SYTL5: variants seen among roughly 807,000 people sequenced by gnomAD.
The protein encoded by SYTL5 is synaptotagmin like 5.
SYTL5 carries 34 observed loss-of-function variants against 55.9 expected under a neutral mutation model. The ratio of observed to expected loss-of-function variants is 0.61; its 90% CI spans 0.46 to 0.81. The LOEUF (loss-of-function observed/expected upper bound fraction) is 0.81. Among genes scored for constraint, SYTL5 ranks in the 30% least tolerant of loss-of-function variants. The pLI is 0.00. For missense variants in SYTL5, 637 were observed against 546.7 expected (o/e 1.17, Z -1.65); for synonymous variants, 221 against 188.7 (o/e 1.17, Z -1.40).
At chrX:37,952,979 G>A in the SYTL5 span, among the ~76,000 whole-genome samples, 3 of 110,623 alleles carry the variant, frequency 2.7e-5, no homozygotes, top group African/African-American at 9.8e-5. Flanking sequence ...TTCAGAGAAC[G>A]TGAAAGAGTG....
intron 1 of SYTL5, among the ~76,000 whole-genome samples, chrX:38,008,240 T>C (rs777553491): frequency 8.9e-6 from 1 of 112,020 alleles, no homozygotes; most frequent in South Asian, 3.7e-4. Flanking sequence ...CTTGTAAATA[T>C]GCTTTTGTAC....
rs749625151 is a variant in SYTL5, at chrX:38,077,043, G to T, written c.689+342G>T. Among the ~76,000 whole-genome samples the T allele has an allele frequency of 2.7e-5, 3 of 111,806 alleles. No homozygotes were observed. The East Asian group carries it at 8.4e-4, about 31-fold the overall frequency. On this transcript the variant is annotated intron_variant, in intron 6 of 16. Transcript: ENST00000297875. ...GCTCCTGAAAAAAAGAAACCTCTGA[G>T]TGTCAAATACATTCCTTGCAGCTTT...
chrX:38,074,741 T>G (rs950654043), intron 5 of SYTL5, among the ~76,000 whole-genome samples: 1 of 111,989 alleles, frequency 8.9e-6, no homozygotes, highest in Non-Finnish European at 1.9e-5. Flanking sequence ...CATGTTTTCA[T>G]TGATGAGCAG....
intron 13 of SYTL5, among the ~76,000 whole-genome samples, chrX:38,119,105 C>T (rs1400751977): frequency 3.6e-5 from 4 of 110,179 alleles, no homozygotes; most frequent in Non-Finnish European, 7.6e-5. Context: ...TGAGCCACTA[C>T]ACCCAGCCAC....
At chrX:37,920,836 A>C in the SYTL5 span, among the ~76,000 whole-genome samples, 1 of 111,699 alleles carries the variant, frequency 9.0e-6, no homozygotes. Flanking sequence ...TGCCTAGAAC[A>C]TCTAGCACAA....
chrX:38,047,784 T>C (rs1935508279), intron 2 of SYTL5, among the ~76,000 whole-genome samples: 1 of 112,013 alleles, frequency 8.9e-6, no homozygotes, highest in African/African-American at 3.2e-5. Flanking sequence ...TCTTGAATGC[T>C]TTGCTGCTTA....
At chrX:38,064,067 A>ATG (rs10593206) in intron 3 of SYTL5, among the ~76,000 whole-genome samples, 256 of 100,028 alleles carry the variant, frequency 2.6e-3, no homozygotes, top group Middle Eastern at 5.3e-3. Flanking sequence ...ACATATATAT[A>ATG]TGTGTGTGTG....
chrX:38,064,937 T>C (rs1452372301), intron 3 of SYTL5, among the ~76,000 whole-genome samples: 1 of 111,540 alleles, frequency 9.0e-6, no homozygotes, highest in Admixed American at 9.5e-5. Context: ...AATATTTACA[T>C]TTATTTCTAT....
At chrX:37,930,766 A>C in the SYTL5 span, among the ~76,000 whole-genome samples, 1 of 112,317 alleles carries the variant, frequency 8.9e-6, no homozygotes, top group South Asian at 3.7e-4. Flanking sequence ...CAGGGTTTGC[A>C]TCAGTTATCT....
chrX:37,999,946 T>C, the SYTL5 span, among the ~76,000 whole-genome samples: 1 of 111,495 alleles, frequency 9.0e-6, no homozygotes, highest in African/African-American at 3.3e-5. Flanking sequence ...AGATAGAAGG[T>C]GCTTAATGTT....
chrX:38,071,989 A>C, intron 3 of SYTL5, 58 bp from the exon 4 acceptor site: 2 of 825,050 alleles, frequency 2.4e-6, no homozygotes, highest in Admixed American at 4.8e-5. Flanking sequence ...GATTTTTGAG[A>C]GTTAATTATG....
chrX:37,969,269 C>T, the SYTL5 span, among the ~76,000 whole-genome samples: 2 of 111,699 alleles, frequency 1.8e-5, no homozygotes, highest in African/African-American at 6.5e-5. Flanking sequence ...AGGGTTTAAA[C>T]AGGACTTTAA....
chrX:38,011,549 G>A (rs1163331280), intron 1 of SYTL5, among the ~76,000 whole-genome samples: 3 of 110,626 alleles, frequency 2.7e-5, no homozygotes, highest in Non-Finnish European at 5.7e-5. Flanking sequence ...CAGGAGAATG[G>A]CGTGAACCCA....
intron 1 of SYTL5, among the ~76,000 whole-genome samples, chrX:38,008,952 T>C (rs1841115336): frequency 8.9e-6 from 1 of 112,073 alleles, no homozygotes; most frequent in Non-Finnish European, 1.9e-5. Flanking sequence ...GGAAGGGTGT[T>C]AACTCACCCA....
rs535396180 is a variant in SYTL5 at position 38,091,336 on chromosome X, A to G, written c.831+1749A>G. Among the ~76,000 whole-genome samples, 3 of 112,591 alleles carry G rather than the reference A, an allele frequency of 2.7e-5. No individual in the cohort carries two copies. In the South Asian group the frequency reaches 1.1e-3, roughly 42 times the overall value. ...TTGTAGTTGTGAAGATAAAAGGCAT[A>G]TTTAAAACTTCATAAATATTTATGC... On this transcript the variant is annotated intron_variant, in intron 7 of 16. Coordinates refer to ENST00000297875, the MANE Select transcript of SYTL5 (RefSeq NM_138780.3).
chrX:38,008,110 T>C (rs1934054473), intron 1 of SYTL5, among the ~76,000 whole-genome samples: 1 of 111,762 alleles, frequency 8.9e-6, no homozygotes, highest in African/African-American at 3.2e-5. Flanking sequence ...AGCTTTAATA[T>C]GTAAAATGAG....
chrX:37,927,196 T>C, the SYTL5 span, among the ~76,000 whole-genome samples: 3 of 112,286 alleles, frequency 2.7e-5, no homozygotes, highest in East Asian at 8.3e-4. Context: ...AAAAGTTAAT[T>C]ATGCCATTCC....
chrX:38,109,969 T>G (rs1003918896), intron 12 of SYTL5, among the ~76,000 whole-genome samples: 29 of 111,041 alleles, frequency 2.6e-4, no homozygotes, highest in African/African-American at 9.2e-4. Flanking sequence ...TATTAAACCT[T>G]GAGCTTACAA....
chrX:37,906,549 T>C, the SYTL5 span: 1 of 111,742 alleles, frequency 8.9e-6, no homozygotes, highest in African/African-American at 3.3e-5. Flanking sequence ...GATGTTTTAC[T>C]GTAGCCTGAG....
Sources: allele counts gnomAD v4.1 joint callset (sites outside exome capture counted in the v4.1 genomes callset), GRCh38; gene constraint gnomAD v4.1.1; transcripts MANE v1.5; gene names NCBI Gene and HGNC (gene_info 2026-07-23, HGNC 2026-07-21).